The following NCAM2 variants were observed in gnomAD, a reference collection of about 807,000 sequenced individuals.
NCAM2 encodes the protein neural cell adhesion molecule 2.
NCAM2 carries 30 observed loss-of-function variants against 98.1 expected under a neutral mutation model. The observed-to-expected ratio is 0.31, with a 90% CI of 0.23 to 0.41. The LOEUF (loss-of-function observed/expected upper bound fraction) is 0.41, where lower values mean the gene tolerates loss of function less well. NCAM2 is among the 10% of genes least tolerant of loss of function. The pLI is 1.00. For missense variants in NCAM2, 867 were observed against 1,005.8 expected, an observed-to-expected ratio of 0.86 and a Z score of 1.87; for synonymous variants, 368 against 342.4, an observed-to-expected ratio of 1.07 and a Z score of -0.83.
At chr21:21,363,824 C>T (rs1219864431) in intron 8 of NCAM2, among the ~76,000 whole-genome samples, 1 of 152,034 alleles carries the variant, frequency 6.6e-6, no homozygotes, top group Non-Finnish European at 1.5e-5. Context: ...TGATAAGACT[C>T]CTGATTTTGC....
chr21:21,415,011 G>A (rs2076961195), intron 10 of NCAM2, among the ~76,000 whole-genome samples: 1 of 151,672 alleles, frequency 6.6e-6, no homozygotes. Context: ...AATAAACCAG[G>A]CTGTAAACAG....
intron 9 of NCAM2, among the ~76,000 whole-genome samples, chr21:21,384,673 T>C (rs768792060): frequency 6.6e-6 from 1 of 151,984 alleles, no homozygotes; most frequent in East Asian, 1.9e-4. Context: ...CTATAATTAA[T>C]TGAAAGACCA....
intron 1 of NCAM2, among the ~76,000 whole-genome samples, chr21:21,106,053 T>TA (rs34360447): frequency 1.3e-5 from 2 of 151,990 alleles, no homozygotes; most frequent in East Asian, 1.9e-4. Context: ...CGTGTGTATG[T>TA]AAAAAGGCAG....
At chr21:21,220,645 G>A (rs945481204) in intron 1 of NCAM2, among the ~76,000 whole-genome samples, 1 of 151,622 alleles carries the variant, frequency 6.6e-6, no homozygotes, top group Non-Finnish European at 1.5e-5. Context: ...TATTATACTC[G>A]ACCTCCTAAA....
chr21:21,347,188 A>G (rs1321244254), intron 8 of NCAM2, among the ~76,000 whole-genome samples: 1 of 151,996 alleles, frequency 6.6e-6, no homozygotes, highest in African/African-American at 2.4e-5. Context: ...AGACATTACA[A>G]CCAATACTGA....
intron 15 of NCAM2, among the ~76,000 whole-genome samples, chr21:21,502,754 T>C (rs1987719840): frequency 6.6e-6 from 1 of 151,966 alleles, no homozygotes; most frequent in African/African-American, 2.4e-5. Context: ...CTTAACCTAC[T>C]TGCCTGCTGC....
At chr21:21,195,323 A>G (rs186410336) in intron 1 of NCAM2, among the ~76,000 whole-genome samples, 109 of 152,342 alleles carry the variant, frequency 7.2e-4, no homozygotes, top group African/African-American at 2.5e-3. Context: ...CATGTTTACA[A>G]CTTTCAGTAA....
chr21:21,308,749 AC>A (rs1339702546), intron 5 of NCAM2, among the ~76,000 whole-genome samples: 1 of 152,194 alleles, frequency 6.6e-6, no homozygotes, highest in African/African-American at 2.4e-5. Flanking sequence ...TATATAGGCT[AC>A]TTGAATGTTC....
At chr21:21,381,447 T>A (rs2076152362) in intron 9 of NCAM2, among the ~76,000 whole-genome samples, 1 of 152,200 alleles carries the variant, frequency 6.6e-6, no homozygotes, top group African/African-American at 2.4e-5. Context: ...ATTGAGTTAT[T>A]CGAAGTTTTA....
intron 9 of NCAM2, among the ~76,000 whole-genome samples, chr21:21,391,316 G>T (rs974849940): frequency 6.6e-6 from 1 of 151,976 alleles, no homozygotes; most frequent in South Asian, 2.1e-4. Flanking sequence ...CTAGGGAACC[G>T]GAATCTACTT....
intron 15 of NCAM2, among the ~76,000 whole-genome samples, chr21:21,489,934 T>C (rs1379050767): frequency 5.0e-3 from 2 of 402 alleles, no homozygotes; most frequent in Non-Finnish European, 8.1e-3. Flanking sequence ...TTATTCCTTC[T>C]ATATACTTAC....
intron 1 of NCAM2, among the ~76,000 whole-genome samples, 167 bp downstream of exon 1, chr21:20,998,785 G>T (rs2063966593): frequency 6.6e-6 from 1 of 152,166 alleles, no homozygotes. Context: ...CCCTAAAATT[G>T]TATCTGTTGT....
intron 16 of NCAM2, among the ~76,000 whole-genome samples, chr21:21,524,696 A>G (rs990064641): frequency 6.6e-6 from 1 of 152,214 alleles, no homozygotes; most frequent in Non-Finnish European, 1.5e-5. Context: ...AATTAATCCA[A>G]TAACAGCAGA....
chr21:21,436,806 G>A (rs1978404465), intron 12 of NCAM2, among the ~76,000 whole-genome samples: 1 of 149,804 alleles, frequency 6.7e-6, no homozygotes, highest in Non-Finnish European at 1.5e-5. Context: ...CTCTTGTCCA[G>A]GCTAGAGGAC....
rs148089272 is a variant in NCAM2, at chr21:21,289,319, A to G, written c.482-2785A>G. 6.7e-3 allele frequency among the ~76,000 whole-genome samples: 1,013 copies of G among 152,084 alleles called. 9 individuals carry two copies. The highest frequency in any genetic ancestry group is 0.011 in the Non-Finnish European group (762 of 67,946). ...ATAAGTTCACTGCCTTCAAAATACTAAGAATCTAGAGGGAAAGATAAATAG... is the reference window on the plus strand; with the variant it reads ...ATAAGTTCACTGCCTTCAAAATACTGAGAATCTAGAGGGAAAGATAAATAG... On this transcript the variant is annotated intron_variant, in intron 4 of 17. Coordinates refer to ENST00000400546, the MANE Select transcript of NCAM2 (RefSeq NM_004540.5).
At chr21:21,311,783 T>A (rs1291326821) in intron 5 of NCAM2, among the ~76,000 whole-genome samples, 4 of 151,848 alleles carry the variant, frequency 2.6e-5, no homozygotes, top group Non-Finnish European at 2.9e-5. Flanking sequence ...TACATTTTTT[T>A]AAAAAAAATT....
At chr21:21,191,225 T>C (rs1279313090) in intron 1 of NCAM2, among the ~76,000 whole-genome samples, 1 of 152,124 alleles carries the variant, frequency 6.6e-6, no homozygotes, top group African/African-American at 2.4e-5. Flanking sequence ...TGAAAATAGG[T>C]ATTTGAAATG....
rs116406805 is a variant in NCAM2, at chr21:21,350,046, A to G, written c.1044+11512A>G. On this transcript the variant is annotated intron_variant, in intron 8 of 17. Coordinates refer to ENST00000400546, the MANE Select transcript of NCAM2 (RefSeq NM_004540.5). Reference sequence around the variant, plus strand: ...ATAGTTAATACCAACTTAATTGTACATTTTAAAATAACTTAAAAAGTGTAA... The same window carrying G: ...ATAGTTAATACCAACTTAATTGTACGTTTTAAAATAACTTAAAAAGTGTAA... 3.0e-3 allele frequency among the ~76,000 whole-genome samples: 451 copies of G among 152,304 alleles called. 2 individuals carry two copies. The highest frequency in any genetic ancestry group is 0.01 in the African/African-American group (431 of 41,574).
intron 1 of NCAM2, among the ~76,000 whole-genome samples, chr21:21,267,116 C>T (rs1394815089): frequency 6.6e-6 from 1 of 152,064 alleles, no homozygotes. Context: ...GTCATACTTC[C>T]ATGTGACCAA....
Sources: gnomAD v4.1 joint callset for allele counts (sites outside exome capture counted in the v4.1 genomes callset) on GRCh38, gnomAD v4.1.1 for gene constraint, MANE v1.5 for transcripts, NCBI Gene and HGNC (gene_info 2026-07-23, HGNC 2026-07-21) for gene names.